The following KALRN variants were observed in gnomAD, a reference collection of about 807,000 sequenced individuals.
KALRN encodes the protein kalirin.
Under a neutral mutation model 353.7 loss-of-function variants are expected in KALRN, and 70 were observed. The ratio of observed to expected loss-of-function variants is 0.20; its 90% CI spans 0.16 to 0.24. KALRN has a LOEUF of 0.24. Ranked by LOEUF, KALRN falls within the 10% of genes least tolerant of loss-of-function variation. The pLI, the probability that KALRN is intolerant of heterozygous loss-of-function variation, is 1.00. For synonymous variants in KALRN, 1,391 were observed against 1,434.8 expected, an observed-to-expected ratio of 0.97 and a Z score of 0.69; for missense variants, 2,791 against 3,756.7, an observed-to-expected ratio of 0.74 and a Z score of 6.72.
At chr3:124,577,123 G>A (rs1341727495) in intron 34 of KALRN, among the ~76,000 whole-genome samples, 2 of 152,038 alleles carry the variant, frequency 1.3e-5, no homozygotes, top group East Asian at 1.9e-4. Flanking sequence ...GGCCATTCTG[G>A]GGAGACATCT....
intron 17 of KALRN, among the ~76,000 whole-genome samples, chr3:124,435,427 A>G (rs1275713668): frequency 6.6e-6 from 1 of 152,236 alleles, no homozygotes; most frequent in Non-Finnish European, 1.5e-5. Context: ...AGCAATATGC[A>G]CAGGGCTAAG....
intron 51 of KALRN, among the ~76,000 whole-genome samples, chr3:124,691,021 A>G (rs574094041): frequency 1.2e-4 from 18 of 152,326 alleles, no homozygotes; most frequent in Admixed American, 1.0e-3. Flanking sequence ...TATGTGACAG[A>G]CCCTTGGGCT....
Position 124,477,186 on chromosome 3 carries a change from G to C in KALRN, c.4102-59G>C. 5.5e-6 allele frequency: 7 copies of C among 1,262,516 alleles called. 1 individual carries two copies. In the South Asian group the frequency reaches 8.6e-5, roughly 15 times the overall value. The allele number at this position is 1,262,516 out of a possible 1,614,324, so 78.2% of individuals were successfully genotyped here. A position where few individuals can be genotyped will look rare whatever the true frequency, so the allele number is the denominator to read the frequency against. ...CAGCCCTTGCTGGGTCCTTCAGCAT[G>C]GTGGACAGAAGGGAACAACTAATGA... On this transcript the variant is annotated intron_variant, in intron 26 of 59. Coordinates refer to ENST00000682506, the MANE Select transcript of KALRN (RefSeq NM_001388419.1).
intron 33 of KALRN, among the ~76,000 whole-genome samples, chr3:124,556,487 GT>G (rs1338474674): frequency 2.0e-5 from 3 of 152,202 alleles, no homozygotes; most frequent in Non-Finnish European, 4.4e-5. Context: ...AGCCTTCAGA[GT>G]TTTATAGTAG....
intron 36 of KALRN, among the ~76,000 whole-genome samples, chr3:124,636,294 G>A (rs1367552814): frequency 3.9e-5 from 6 of 152,078 alleles, no homozygotes; most frequent in Non-Finnish European, 8.8e-5. Flanking sequence ...ACACACAAAC[G>A]GTGCAGGGTT....
chr3:124,700,126 C>T (rs2062248477), intron 56 of KALRN, 93 bp downstream of exon 56: 2 of 1,261,518 alleles, frequency 1.6e-6, no homozygotes, highest in Non-Finnish European at 1.1e-6. Flanking sequence ...CATGTCAGGC[C>T]ACCATGCAAG....
intron 1 of KALRN, among the ~76,000 whole-genome samples, chr3:124,119,591 G>C (rs1393579747): frequency 6.6e-6 from 1 of 152,232 alleles, no homozygotes; most frequent in South Asian, 2.1e-4. Context: ...TCGCAAGGAT[G>C]GGGGAGGAGG....
chr3:124,648,369 G>A (rs2083012775), intron 37 of KALRN, among the ~76,000 whole-genome samples: 2 of 152,226 alleles, frequency 1.3e-5, no homozygotes, highest in South Asian at 4.1e-4. Context: ...GGAGGAGATG[G>A]AAGTATTTCC....
intron 1 of KALRN, among the ~76,000 whole-genome samples, chr3:124,064,756 T>G (rs780946531): frequency 6.6e-6 from 1 of 152,238 alleles, no homozygotes; most frequent in East Asian, 1.9e-4. Flanking sequence ...GGTAGCTCTC[T>G]GCATCTGGAA....
At chr3:124,492,948 A>G in intron 32 of KALRN, 66 bp downstream of exon 32, 1 of 1,570,714 alleles carries the variant, frequency 6.4e-7, no homozygotes, top group Admixed American at 1.7e-5. Context: ...AATGGGATGA[A>G]TCTTTGCTTC....
At chr3:124,583,377 T>G (rs1198640047) in intron 34 of KALRN, among the ~76,000 whole-genome samples, 1 of 147,176 alleles carries the variant, frequency 6.8e-6, no homozygotes, top group African/African-American at 2.5e-5. Flanking sequence ...CATGGAAAGG[T>G]CCCACTGATG....
intron 1 of KALRN, among the ~76,000 whole-genome samples, chr3:124,088,038 T>C (rs1005637612): frequency 3.9e-5 from 6 of 152,202 alleles, no homozygotes; most frequent in Non-Finnish European, 5.9e-5. Context: ...GCCAATATAC[T>C]GAGTTTTGTG....
At chr3:124,421,549 A>G (rs1488276083) in intron 14 of KALRN, among the ~76,000 whole-genome samples, 3 of 152,220 alleles carry the variant, frequency 2.0e-5, no homozygotes, top group Non-Finnish European at 2.9e-5. Flanking sequence ...TATTTTACAT[A>G]TGAGCAAAAT....
intron 10 of KALRN, among the ~76,000 whole-genome samples, chr3:124,378,972 C>G (rs1184963903): frequency 6.6e-6 from 1 of 151,890 alleles, no homozygotes; most frequent in Non-Finnish European, 1.5e-5. Context: ...TTGAAAACTT[C>G]TTGGTCATTA....
chr3:124,238,068 C>G (rs2080003874), intron 3 of KALRN, among the ~76,000 whole-genome samples: 1 of 152,162 alleles, frequency 6.6e-6, no homozygotes, highest in Admixed American at 6.5e-5. Flanking sequence ...CAGGCCATAT[C>G]TGGACCACTG....
At chr3:124,528,084 C>T (rs879857942) in intron 33 of KALRN, among the ~76,000 whole-genome samples, 4 of 152,098 alleles carry the variant, frequency 2.6e-5, no homozygotes, top group Non-Finnish European at 5.9e-5. Flanking sequence ...TATTAATTCC[C>T]TTTGGCTACT....
At chr3:124,268,369 G>A (rs920894) in intron 4 of KALRN, among the ~76,000 whole-genome samples, 94,895 of 152,006 alleles carry the variant, frequency 0.62, 29,788 homozygotes, top group Admixed American at 0.66. Flanking sequence ...TTAAAGCTGT[G>A]GAAAACTGTC....
chr3:124,485,447 C>A (rs2062454499), intron 28 of KALRN, among the ~76,000 whole-genome samples: 2 of 152,134 alleles, frequency 1.3e-5, no homozygotes, highest in African/African-American at 2.4e-5. Context: ...TTGCTGTGGG[C>A]AGTCGAAGGA....
chr3:124,710,854 T>C (rs1409591182), intron 57 of KALRN, among the ~76,000 whole-genome samples: 1 of 152,222 alleles, frequency 6.6e-6, no homozygotes, highest in Non-Finnish European at 1.5e-5. Context: ...TTTTAAACCA[T>C]GGGTCTGCAT....
Sources: gnomAD v4.1 joint callset for allele counts (sites outside exome capture counted in the v4.1 genomes callset) on GRCh38, gnomAD v4.1.1 for gene constraint, MANE v1.5 for transcripts, NCBI Gene and HGNC (gene_info 2026-07-23, HGNC 2026-07-21) for gene names.